FNDC3A: variants seen among roughly 807,000 people sequenced by gnomAD.
The protein encoded by FNDC3A is fibronectin type III domain containing 3A.
FNDC3A carries 32 observed loss-of-function variants against 148.9 expected under a neutral mutation model. The observed-to-expected ratio is 0.21, with a 90% CI of 0.16 to 0.29. The LOEUF is 0.29. FNDC3A is among the 10% of genes least tolerant of loss of function. FNDC3A has a pLI of 1.00. For missense variants in FNDC3A, 1,191 were observed against 1,452.8 expected, an observed-to-expected ratio of 0.82 and a Z score of 2.93; for synonymous variants, 472 against 473.6, an observed-to-expected ratio of 1.00 and a Z score of 0.04.
intron 10 of FNDC3A, 91 bp downstream of exon 10, chr13:49,168,842 G>C (rs1020237408): frequency 8.3e-7 from 1 of 1,210,950 alleles, no homozygotes; most frequent in Admixed American, 2.1e-5. Context: ...TGGAGACAAA[G>C]AGCTTTAATT....
chr13:49,177,983 A>G (rs1298607807), intron 13 of FNDC3A, among the ~76,000 whole-genome samples: 1 of 152,214 alleles, frequency 6.6e-6, no homozygotes, highest in Non-Finnish European at 1.5e-5. Flanking sequence ...TAGATTTTAT[A>G]CTTTGAAATG....
chr13:48,977,498 T>C (rs760698489), intron 1 of FNDC3A, among the ~76,000 whole-genome samples: 1 of 152,246 alleles, frequency 6.6e-6, no homozygotes, highest in Non-Finnish European at 1.5e-5. Flanking sequence ...TTACTAACTC[T>C]TGTCATCTTG....
chr13:49,093,725 G>A (rs1004688307), intron 3 of FNDC3A, among the ~76,000 whole-genome samples: 9 of 152,084 alleles, frequency 5.9e-5, no homozygotes, highest in African/African-American at 2.2e-4. Flanking sequence ...TCCAAACCAT[G>A]TACTTGCTTC....
At chr13:49,108,264 G>A (rs1195069553) in intron 3 of FNDC3A, among the ~76,000 whole-genome samples, 1 of 152,134 alleles carries the variant, frequency 6.6e-6, no homozygotes, top group African/African-American at 2.4e-5. Context: ...TGATCACAGC[G>A]CCAAAGTTCT....
Position 49,187,191 on chromosome 13 carries a change from G to T in FNDC3A, c.1825+1G>T, listed in dbSNP as rs764451507. 1 of 1,591,152 alleles carries T rather than the reference G, an allele frequency of 6.3e-7. No homozygotes were observed. The highest frequency in any genetic ancestry group is 8.6e-7 in the Non-Finnish European group (1 of 1,160,294). On this transcript the variant is annotated splice_donor_variant, in intron 16 of 25. Transcript: ENST00000492622. LOFTEE classifies it high-confidence loss of function. Reference sequence around the variant, plus strand: ...GTGGAGATGGCAGAAGGTTCTAACGGTATGAATGGATATTAAACACTGATA... The same window carrying T: ...GTGGAGATGGCAGAAGGTTCTAACGTTATGAATGGATATTAAACACTGATA...
intron 2 of FNDC3A, among the ~76,000 whole-genome samples, chr13:49,052,643 G>C (rs1875925029): frequency 6.6e-6 from 1 of 152,212 alleles, no homozygotes; most frequent in Non-Finnish European, 1.5e-5. Flanking sequence ...CTGGTTTTGT[G>C]TTGGTTGGCC....
At chr13:49,009,868 T>G (rs147641426) in intron 2 of FNDC3A, among the ~76,000 whole-genome samples, 210 of 152,358 alleles carry the variant, frequency 1.4e-3, no homozygotes, top group African/African-American at 4.9e-3. Context: ...AAACTTAGCC[T>G]GCCTATTATA....
At chr13:49,093,096 G>A (rs1294056524) in intron 3 of FNDC3A, among the ~76,000 whole-genome samples, 2 of 151,988 alleles carry the variant, frequency 1.3e-5, no homozygotes, top group African/African-American at 4.8e-5. Flanking sequence ...AATCAACTGG[G>A]GAGTTTAAAC....
intron 8 of FNDC3A, among the ~76,000 whole-genome samples, chr13:49,147,933 G>A (rs974813826): frequency 6.6e-6 from 1 of 152,080 alleles, no homozygotes; most frequent in African/African-American, 2.4e-5. Flanking sequence ...TCTAACTAGG[G>A]TAAAATGATC....
chr13:49,058,628 C>T (rs1408042184), intron 2 of FNDC3A, among the ~76,000 whole-genome samples: 1 of 152,130 alleles, frequency 6.6e-6, no homozygotes, highest in Non-Finnish European at 1.5e-5. Context: ...AGAAAGGACC[C>T]AGAAGAAACC....
chr13:49,183,649 A>ATTTT (rs1885415074), intron 14 of FNDC3A, among the ~76,000 whole-genome samples: 1 of 152,230 alleles, frequency 6.6e-6, no homozygotes, highest in African/African-American at 2.4e-5. Flanking sequence ...GATTCTGTGC[A>ATTTT]CAACATTGAG....
At chr13:49,110,835 GT>G (rs1250415857) in intron 3 of FNDC3A, among the ~76,000 whole-genome samples, 2 of 152,208 alleles carry the variant, frequency 1.3e-5, no homozygotes, top group Non-Finnish European at 2.9e-5. Context: ...AAGAATTTAA[GT>G]TATACTAGTT....
chr13:49,056,786 T>C (rs1876280544), intron 2 of FNDC3A, among the ~76,000 whole-genome samples: 1 of 152,208 alleles, frequency 6.6e-6, no homozygotes, highest in Non-Finnish European at 1.5e-5. Flanking sequence ...CAGTCTGTTT[T>C]CATAGTTTAT....
Position 49,057,571 on chromosome 13 carries a change from G to A in FNDC3A, c.100-17718G>A, listed in dbSNP as rs561840419. Among the ~76,000 whole-genome samples the A allele has an allele frequency of 1.3e-4, 20 of 152,198 alleles. No homozygotes were observed. The South Asian group carries it at 3.5e-3, about 27-fold the overall frequency. Reference sequence around the variant, plus strand: ...GCATTTTTGGTTGTTTTGTGGGGATGATTTTTAGGATATCCAATATTCATG... The same window carrying A: ...GCATTTTTGGTTGTTTTGTGGGGATAATTTTTAGGATATCCAATATTCATG... On this transcript the variant is annotated intron_variant, in intron 2 of 25. Transcript: ENST00000492622.
At chr13:49,145,552 G>A (rs1035455989) in intron 7 of FNDC3A, among the ~76,000 whole-genome samples, 6 of 151,908 alleles carry the variant, frequency 3.9e-5, no homozygotes, top group Admixed American at 1.3e-4. Context: ...TGGTGTCTAC[G>A]CTAATAGTTT....
chr13:49,094,102 AT>A (rs1879370770), intron 3 of FNDC3A, among the ~76,000 whole-genome samples: 2 of 152,278 alleles, frequency 1.3e-5, no homozygotes, highest in South Asian at 4.1e-4. Context: ...AAATACCTTA[AT>A]TTTGATTACC....
At chr13:49,000,181 C>T (rs1952099921) in intron 1 of FNDC3A, among the ~76,000 whole-genome samples, 1 of 152,146 alleles carries the variant, frequency 6.6e-6, no homozygotes. Flanking sequence ...TGAAGCTTTT[C>T]CCCATGTTTT....
intron 2 of FNDC3A, among the ~76,000 whole-genome samples, chr13:49,042,832 T>C (rs978090078): frequency 6.6e-6 from 1 of 152,224 alleles, no homozygotes; most frequent in African/African-American, 2.4e-5. Flanking sequence ...ATAAATACAG[T>C]GTTGTCTGCA....
At chr13:49,161,182 T>A (rs542953243) in intron 8 of FNDC3A, among the ~76,000 whole-genome samples, 1 of 152,298 alleles carries the variant, frequency 6.6e-6, no homozygotes, top group East Asian at 1.9e-4. Context: ...CCTTGTTAAC[T>A]TTCTGTCTTG....
Sources: gnomAD v4.1 joint callset for allele counts (sites outside exome capture counted in the v4.1 genomes callset) on GRCh38, gnomAD v4.1.1 for gene constraint, MANE v1.5 for transcripts, NCBI Gene and HGNC (gene_info 2026-07-23, HGNC 2026-07-21) for gene names.